Variants in SLIT1 observed in about 807,000 individuals in gnomAD.
SLIT1 encodes slit homolog 1 protein.
A neutral mutation model predicts 186.1 loss-of-function variants in SLIT1; 66 were observed. The observed-to-expected ratio is 0.35, with a 90% CI of 0.29 to 0.44. The LOEUF (loss-of-function observed/expected upper bound fraction) is 0.44, where lower values mean the gene tolerates loss of function less well. Among genes scored for constraint, SLIT1 ranks in the 20% least tolerant of loss-of-function variants. SLIT1 has a pLI of 1.00. For missense variants in SLIT1, 1,638 were observed against 2,037.4 expected (o/e 0.80, Z 3.77); for synonymous variants, 761 against 833.8 (o/e 0.91, Z 1.50).
intron 25 of SLIT1, 100 bp downstream of exon 25, chr10:97,030,657 A>C: frequency 2.0e-6 from 2 of 1,004,912 alleles, no homozygotes; most frequent in East Asian, 2.4e-5. Flanking sequence ...TTTCAGAGTA[A>C]AAGCAACAAA....
In SLIT1 at chr10:97,048,817, G is replaced by A; in HGVS notation, c.1465+138C>T. 6.3e-6 allele frequency: 5 copies of A among 790,704 alleles called. No individual in the cohort carries two copies. In the South Asian group the frequency reaches 7.9e-5, roughly 13 times the overall value. 49.0% of individuals were successfully genotyped at this position (790,704 alleles called of 1,614,324 possible). ...TGGGTAGGCGGGCAGGTATGCAGGT[G>A]GACAGGTAGGCAGGCAGGCAAGTGA... On this transcript the variant is annotated intron_variant, in intron 14 of 36. Coordinates refer to ENST00000266058, the MANE Select transcript of SLIT1 (RefSeq NM_003061.3).
intron 4 of SLIT1, among the ~76,000 whole-genome samples, chr10:97,087,546 G>A (rs1037673876): frequency 1.3e-5 from 2 of 152,224 alleles, no homozygotes; most frequent in Admixed American, 1.3e-4. Flanking sequence ...ACGCTAATAT[G>A]AGTGAAGAGC....
At chr10:97,099,130 A>G (rs1849322997) in intron 4 of SLIT1, among the ~76,000 whole-genome samples, 1 of 129,358 alleles carries the variant, frequency 7.7e-6, no homozygotes, top group Non-Finnish European at 1.8e-5. Context: ...GTTGGAGTGG[A>G]GGCGCGGGGG....
chr10:97,049,416 T>C (rs1178899378), intron 13 of SLIT1, among the ~76,000 whole-genome samples: 1 of 152,158 alleles, frequency 6.6e-6, no homozygotes, highest in Non-Finnish European at 1.5e-5. Context: ...CCTTTCCCTC[T>C]CTCTGCCCTG....
intron 4 of SLIT1, among the ~76,000 whole-genome samples, chr10:97,138,916 C>T (rs1564685521): frequency 6.6e-6 from 1 of 152,380 alleles, no homozygotes; most frequent in Non-Finnish European, 1.5e-5. Flanking sequence ...ATCAAATTCT[C>T]ACAGCTTACA....
chr10:97,036,054 G>T (rs1161150730), intron 22 of SLIT1, among the ~76,000 whole-genome samples: 1 of 152,132 alleles, frequency 6.6e-6, no homozygotes, highest in African/African-American at 2.4e-5. Flanking sequence ...AACCATGACA[G>T]TCTGGAGAGG....
At chr10:97,065,252 C>T (rs1589380269) in intron 5 of SLIT1, among the ~76,000 whole-genome samples, 1 of 152,244 alleles carries the variant, frequency 6.6e-6, no homozygotes, top group Non-Finnish European at 1.5e-5. Flanking sequence ...GGCAAACAGA[C>T]CTCAGCCTGA....
chr10:97,038,828 G>A (rs921453454), intron 21 of SLIT1, among the ~76,000 whole-genome samples: 1 of 152,104 alleles, frequency 6.6e-6, no homozygotes, highest in Non-Finnish European at 1.5e-5. Context: ...GGCAGTCCTC[G>A]TCCACATACC....
intron 4 of SLIT1, among the ~76,000 whole-genome samples, chr10:97,117,246 G>T (rs12252383): frequency 0.018 from 2,733 of 151,988 alleles, 77 homozygotes; most frequent in African/African-American, 0.059. Flanking sequence ...TGAGAATAAA[G>T]CATGTGAAGT....
chr10:97,060,582 T>G (rs1848884006), intron 9 of SLIT1, 58 bp downstream of exon 9: 3 of 1,604,062 alleles, frequency 1.9e-6, no homozygotes, highest in Non-Finnish European at 2.6e-6. Context: ...TCACTGGCCC[T>G]CCAGAGCCAG....
intron 4 of SLIT1, among the ~76,000 whole-genome samples, chr10:97,070,367 C>T (rs1028578778): frequency 3.3e-5 from 5 of 152,216 alleles, no homozygotes; most frequent in African/African-American, 9.7e-5. Flanking sequence ...ATGTTAGAGA[C>T]TTGGCTACAT....
At chr10:97,157,209 G>T (rs2134719436) in intron 4 of SLIT1, 1 of 152,274 alleles carries the variant, frequency 6.6e-6, no homozygotes, top group East Asian at 1.9e-4. Flanking sequence ...AATCTCAAAG[G>T]TCTTGTCCAA....
chr10:97,171,859 C>T (rs1221315954), intron 1 of SLIT1, among the ~76,000 whole-genome samples: 4 of 151,930 alleles, frequency 2.6e-5, no homozygotes, highest in Non-Finnish European at 5.9e-5. Flanking sequence ...TACAAGTTCC[C>T]GAGTGGCCTG....
At chr10:97,175,463 C>A (rs1440663432) in intron 1 of SLIT1, among the ~76,000 whole-genome samples, 1 of 152,144 alleles carries the variant, frequency 6.6e-6, no homozygotes, top group African/African-American at 2.4e-5. Context: ...TTTTGAGGAA[C>A]CGCCATACTG....
At position 97,066,483 on chromosome 10, in the gene SLIT1, G is replaced by A. The variant is rs568141355; in HGVS notation, c.414-397C>T. 2.6e-5 allele frequency among the ~76,000 whole-genome samples: 4 copies of A among 152,236 alleles called. No homozygotes were observed. The East Asian group carries it at 5.8e-4, about 22-fold the overall frequency. On this transcript the variant is annotated intron_variant, in intron 4 of 36. Transcript: ENST00000266058. Reference sequence around the variant, plus strand: ...ATCCCCAGTGCTGGAGGTGGGGCCTGGTGGGAGGTGATCTGGTCATGGGCA... The same window carrying A: ...ATCCCCAGTGCTGGAGGTGGGGCCTAGTGGGAGGTGATCTGGTCATGGGCA...
At chr10:97,158,428 G>A (rs758718739) in intron 3 of SLIT1, among the ~76,000 whole-genome samples, 7 of 152,046 alleles carry the variant, frequency 4.6e-5, no homozygotes, top group Admixed American at 6.5e-5. Context: ...TTGGGAGGCC[G>A]AGGCGGGCGG....
intron 4 of SLIT1, among the ~76,000 whole-genome samples, chr10:97,106,408 G>GAACA (rs989638850): frequency 6.8e-6 from 1 of 146,038 alleles, no homozygotes; most frequent in African/African-American, 2.8e-5. Context: ...ATGAATGAAC[G>GAACA]AATGAATGAA....
Position 97,001,313 on chromosome 10 carries a change from G to A in SLIT1, c.4404C>T (p.His1468=), listed in dbSNP as rs761981657. 1.6e-5 allele frequency: 26 copies of A among 1,613,096 alleles called. No homozygotes were observed. In the Admixed American group the frequency reaches 4.2e-4, roughly 26 times the overall value. ...ECRGDPVRDF[H]QVQRGYAICQ... ...AGATGGCATAGCCCCTCTGGACCTG[G>A]TGAAAGTCCCGGACAGGGTCCCCCC... The change falls in exon 37 of 37, where the codon CAC becomes CAT. Residue 1468 remains histidine, a synonymous_variant. Transcript: ENST00000266058.
intron 4 of SLIT1, among the ~76,000 whole-genome samples, chr10:97,138,964 G>A (rs1849731314): frequency 6.6e-6 from 1 of 152,158 alleles, no homozygotes; most frequent in South Asian, 2.1e-4. Context: ...AGCACCACCA[G>A]TCAACACTCT....
Sources: gnomAD v4.1 joint callset for allele counts (sites outside exome capture counted in the v4.1 genomes callset) on GRCh38, gnomAD v4.1.1 for gene constraint, MANE v1.5 for transcripts, NCBI Gene and HGNC (gene_info 2026-07-23, HGNC 2026-07-21) for gene names.